The following ETF1 variants were observed in gnomAD, a reference collection of about 807,000 sequenced individuals.
ETF1 encodes eukaryotic translation termination factor 1, also known as eukaryotic peptide chain release factor subunit 1.
Under a neutral mutation model 55.1 loss-of-function variants are expected in ETF1, and 4 were observed. The observed-to-expected ratio is 0.07, with a 90% CI of 0.04 to 0.17. The LOEUF (loss-of-function observed/expected upper bound fraction) is 0.17, where lower values mean the gene tolerates loss of function less well. ETF1 is among the 10% of genes least tolerant of loss of function. The pLI is 1.00. For synonymous variants in ETF1, 157 were observed against 182.3 expected (o/e 0.86, Z 1.12); for missense variants, 142 against 523.6 (o/e 0.27, Z 7.11).
intron 4 of ETF1, among the ~76,000 whole-genome samples, chr5:138,514,684 C>G (rs1272103996): frequency 2.6e-5 from 4 of 151,972 alleles, no homozygotes. Context: ...TCTGCCTTAG[C>G]CTCCCAAAGT....
intron 2 of ETF1, among the ~76,000 whole-genome samples, chr5:138,523,851 G>A (rs1056410213): frequency 6.6e-6 from 1 of 152,184 alleles, no homozygotes; most frequent in Non-Finnish European, 1.5e-5. Flanking sequence ...AACTGCTTGC[G>A]CCTAGGAGTT....
chr5:138,534,270 G>A (rs890514952), intron 2 of ETF1, among the ~76,000 whole-genome samples: 2 of 152,190 alleles, frequency 1.3e-5, no homozygotes, highest in African/African-American at 2.4e-5. Context: ...CTGGTAGAGT[G>A]TGTACACTTT....
chr5:138,515,860 C>G (rs1004016698), intron 4 of ETF1, among the ~76,000 whole-genome samples: 2 of 152,202 alleles, frequency 1.3e-5, no homozygotes, highest in Admixed American at 6.5e-5. Flanking sequence ...AAGAGAAAAA[C>G]AGTCTGGATT....
intron 3 of ETF1, chr5:138,517,940 G>A (rs1484159641): frequency 4.2e-6 from 4 of 961,966 alleles, no homozygotes; most frequent in South Asian, 4.8e-5. Context: ...GGTGGCTCAC[G>A]CCTGTAATCC....
At chr5:138,526,553 C>A (rs1403189935) in intron 2 of ETF1, among the ~76,000 whole-genome samples, 1 of 152,040 alleles carries the variant, frequency 6.6e-6, no homozygotes, top group Non-Finnish European at 1.5e-5. Context: ...CCCCTGCCCC[C>A]CAGGATGGAG....
intron 2 of ETF1, among the ~76,000 whole-genome samples, chr5:138,533,947 T>C (rs1451923697): frequency 2.0e-5 from 3 of 152,202 alleles, no homozygotes; most frequent in Non-Finnish European, 2.9e-5. Flanking sequence ...AGGAGGTGGA[T>C]GGGGCTGCCT....
At chr5:138,538,562 A>G (rs1281375512) in intron 2 of ETF1, among the ~76,000 whole-genome samples, 1 of 152,172 alleles carries the variant, frequency 6.6e-6, no homozygotes, top group Non-Finnish European at 1.5e-5. Flanking sequence ...AGAATAGAGG[A>G]CAAAAAAAGT....
At position 138,518,810 on chromosome 5, in the gene ETF1, C is replaced by T. The variant is rs901358935; in HGVS notation, c.144G>A (p.Val48=). The T allele has an allele frequency of 6.2e-7, 1 of 1,614,142 alleles. No homozygotes were observed. The highest frequency in any genetic ancestry group is 1.3e-5 in the African/African-American group (1 of 75,046). Residue 48 remains valine (V), a synonymous_variant, in exon 3 of 11, where the codon GTG becomes GTA. Coordinates refer to ENST00000360541, the MANE Select transcript of ETF1 (RefSeq NM_004730.4). ...CAAACTCATCCGCTAACATTTTTGC[C>T]ACTCGTGAAATCTGGTCTTTGGGAG... ...IIPPKDQISR[V]AKMLADEFGT...
At chr5:138,532,052 AT>A (rs1765724160) in intron 2 of ETF1, among the ~76,000 whole-genome samples, 1 of 43,594 alleles carries the variant, frequency 2.3e-5, no homozygotes, top group Admixed American at 3.8e-4. Flanking sequence ...CCTCAAAAAA[AT>A]AAAATAAAAT....
chr5:138,527,493 T>C (rs1765522380), intron 2 of ETF1, among the ~76,000 whole-genome samples: 1 of 152,224 alleles, frequency 6.6e-6, no homozygotes, highest in South Asian at 2.1e-4. Context: ...ACCTTTTTGA[T>C]AATTCCTTCT....
At chr5:138,515,191 C>T (rs1764969004) in intron 4 of ETF1, among the ~76,000 whole-genome samples, 4 of 152,120 alleles carry the variant, frequency 2.6e-5, no homozygotes, top group African/African-American at 9.7e-5. Flanking sequence ...CTTTGAGAGG[C>T]CAAGGTGGGT....
In ETF1 at chr5:138,526,679, G is replaced by A. The variant is rs192350054; in HGVS notation, c.87-7812C>T. On this transcript the variant is annotated intron_variant, in intron 2 of 10. Coordinates refer to ENST00000360541, the MANE Select transcript of ETF1 (RefSeq NM_004730.4). ...AGCCTCTGGAGTAGCTGGGATTACA[G>A]GCATGCACCATCATGCCCAACAGCT... 3.4e-3 allele frequency among the ~76,000 whole-genome samples: 516 copies of A among 152,116 alleles called. 5 individuals carry two copies. Among genetic ancestry groups the A allele is most frequent in the African/African-American group, 0.012 (484 of 41,500 alleles).
At position 138,512,881 on chromosome 5, in the gene ETF1, T is replaced by C. The variant is rs1295604577; in HGVS notation, c.615A>G (p.Val205=). ...MEKRHNYVRK[V]AETAVQLFIS... ...TAAACAGCTGCACAGCAGTCTCTGC[T>C]ACTTTCCGAACATAGTTATGTCGCT... The change falls in exon 6 of 11, where the codon GTA becomes GTG. Residue 205 remains valine, a synonymous_variant. Transcript: ENST00000360541. The C allele has an allele frequency of 3.1e-6, 5 of 1,588,932 alleles. No individual in the cohort carries two copies. Among genetic ancestry groups the C allele is most frequent in the Non-Finnish European group, 4.3e-6 (5 of 1,170,652 alleles).
At chr5:138,515,826 T>C (rs184975066) in intron 4 of ETF1, among the ~76,000 whole-genome samples, 1 of 152,356 alleles carries the variant, frequency 6.6e-6, no homozygotes, top group East Asian at 1.9e-4. Context: ...AAAAACCCTC[T>C]GCTGTAAGTA....
chr5:138,511,574 C>A lies in ETF1; in HGVS notation c.763G>T (p.Asp255Tyr). The A allele has an allele frequency of 6.2e-7, 1 of 1,610,616 alleles. No individual in the cohort carries two copies. The highest frequency in any genetic ancestry group is 1.1e-5 in the South Asian group (1 of 90,624). ...RLQSKVLKLVDISYGGENGFN... is the reference protein window; with the variant it reads ...RLQSKVLKLVYISYGGENGFN... ...CCATTTTCACCACCATAGGATATATCAACTAATTTTAAAACTTTTGATTGT... is the reference window on the plus strand; with the variant it reads ...CCATTTTCACCACCATAGGATATATAAACTAATTTTAAAACTTTTGATTGT... Residue 255 changes from aspartate (D) to tyrosine (Y), a missense_variant, in exon 7 of 11, where the codon GAT (aspartate) becomes TAT (tyrosine). This residue lies in a region of ETF1 where 82 missense variants were observed against 232.9 expected (regional missense o/e 0.35). Transcript: ENST00000360541.
chr5:138,537,796 G>A (rs1011098093), intron 2 of ETF1, among the ~76,000 whole-genome samples: 10 of 151,728 alleles, frequency 6.6e-5, no homozygotes, highest in Admixed American at 6.6e-4. Flanking sequence ...TAGCCAGGAT[G>A]GTCTCGATCT....
chr5:138,539,776 A>G (rs925222556), intron 2 of ETF1, among the ~76,000 whole-genome samples: 1 of 152,224 alleles, frequency 6.6e-6, no homozygotes, highest in African/African-American at 2.4e-5. Context: ...AATCTGTTAT[A>G]GCTCAGACTA....
intron 2 of ETF1, among the ~76,000 whole-genome samples, chr5:138,537,061 T>C (rs773535986): frequency 6.6e-6 from 1 of 152,204 alleles, no homozygotes; most frequent in Non-Finnish European, 1.5e-5. Flanking sequence ...GAGTAATTGT[T>C]CATTAGGTTC....
intron 2 of ETF1, chr5:138,529,831 T>TA (rs1161806155): frequency 2.2e-6 from 1 of 446,528 alleles, no homozygotes; most frequent in Non-Finnish European, 3.0e-6. Context: ...CAGCTCACTG[T>TA]AACCTGGAAA....
Sources: gnomAD v4.1 joint callset for allele counts (sites outside exome capture counted in the v4.1 genomes callset) on GRCh38, gnomAD v4.1.1 for gene constraint, gnomAD v4.1.1 regional missense constraint, MANE v1.5 for transcripts, NCBI Gene and HGNC (gene_info 2026-07-23, HGNC 2026-07-21) for gene names.